Variants in PTGES observed in about 807,000 individuals in gnomAD.
The protein encoded by PTGES is MGST1-like 1.
Under a neutral mutation model 11.8 loss-of-function variants are expected in PTGES, and 3 were observed. The ratio of observed to expected loss-of-function variants is 0.25; its 90% CI spans 0.12 to 0.66. PTGES has a LOEUF of 0.66. Among genes scored for constraint, PTGES ranks in the 30% least tolerant of loss-of-function variants. The probability of loss-of-function intolerance (pLI) is 0.82; values close to 1 mark genes in which losing one functional copy is unlikely to be tolerated. For synonymous variants in PTGES, 94 were observed against 90.4 expected (o/e 1.04, Z -0.22); for missense variants, 180 against 213.0 (o/e 0.85, Z 0.96).
Position 129,752,899 on chromosome 9 carries a change from C to T in PTGES, c.114G>A (p.Arg38=), listed in dbSNP as rs1207573476. The T allele has an allele frequency of 1.2e-6, 2 of 1,614,010 alleles. No individual in the cohort carries two copies. The highest frequency in any genetic ancestry group is 1.7e-5 in the Admixed American group (1 of 60,030). Residue 38 remains arginine, a synonymous_variant, in exon 1 of 3, where the codon AGG becomes AGA. Transcript: ENST00000340607. ...GGGAGGCACATACCTTCTTCCGCAG[C>T]CTCACTTGGCCCGTGATGATGGCCA... is the stretch of plus-strand genomic sequence containing the variant. ...YVVAIITGQV[R]LRKKAFANPE...
intron 1 of PTGES, among the ~76,000 whole-genome samples, chr9:129,750,804 G>T (rs1833095965): frequency 6.6e-6 from 1 of 152,178 alleles, no homozygotes; most frequent in African/African-American, 2.4e-5. Flanking sequence ...ACTTTTCCAG[G>T]TCCCCAGGCT....
intron 2 of PTGES, among the ~76,000 whole-genome samples, chr9:129,747,107 C>T (rs11792427): frequency 0.23 from 34,757 of 152,126 alleles, 5,821 homozygotes; most frequent in African/African-American, 0.47. Flanking sequence ...GAGACAGGGT[C>T]TCGCCATGTT....
chr9:129,746,928 T>A (rs1833052898), intron 2 of PTGES, among the ~76,000 whole-genome samples: 1 of 152,250 alleles, frequency 6.6e-6, no homozygotes, highest in African/African-American at 2.4e-5. Context: ...TTTTGTTTTT[T>A]TTGAGATGGA....
intron 2 of PTGES, among the ~76,000 whole-genome samples, chr9:129,742,501 G>A (rs547402335): frequency 6.6e-6 from 1 of 152,210 alleles, no homozygotes; most frequent in South Asian, 2.1e-4. Context: ...GATTCACAAG[G>A]GAGTGCCACC....
Position 129,739,419 on chromosome 9 carries a change from CAT to C in PTGES, c.*190_*191del. On this transcript the variant is annotated 3_prime_UTR_variant, in exon 3 of 3. Transcript: ENST00000340607. This position sits in a 1 kb window ranked among gnomAD's most constrained non-coding sequence, Gnocchi z 5.7. Reference sequence around the variant, plus strand: ...TGCAGGAATCCAAGGGGCTAAGAAACATACACACACACATACACACACACGGG... The same window carrying C: ...TGCAGGAATCCAAGGGGCTAAGAAACACACACACACATACACACACACGGG... 1.4e-6 allele frequency: 1 copy of C among 722,926 alleles called. No homozygotes were observed. Among genetic ancestry groups the C allele is most frequent in the Non-Finnish European group, 2.2e-6 (1 of 461,196 alleles). 44.8% of individuals were successfully genotyped at this position (722,926 alleles called of 1,614,324 possible). A position where few individuals can be genotyped will look rare whatever the true frequency, so the allele number is the denominator to read the frequency against.
intron 1 of PTGES, among the ~76,000 whole-genome samples, chr9:129,750,049 C>A (rs1264139348): frequency 6.6e-6 from 1 of 152,156 alleles, no homozygotes. Context: ...CTGGAGAAGC[C>A]GCTAGGACAA....
intron 2 of PTGES, among the ~76,000 whole-genome samples, chr9:129,747,123 G>C (rs1254280597): frequency 7.5e-6 from 1 of 132,486 alleles, no homozygotes; most frequent in Non-Finnish European, 1.6e-5. Context: ...ATGTTGGCCA[G>C]GCCTGACCTC....
At chr9:129,741,329 G>A (rs1832992334) in intron 2 of PTGES, among the ~76,000 whole-genome samples, 1 of 152,208 alleles carries the variant, frequency 6.6e-6, no homozygotes, top group Admixed American at 6.5e-5. Flanking sequence ...AGATAAGAGA[G>A]GGAGAGGAAT....
chr9:129,741,603 C>T (rs1832995346), intron 2 of PTGES, among the ~76,000 whole-genome samples: 1 of 152,186 alleles, frequency 6.6e-6, no homozygotes, highest in South Asian at 2.1e-4. Flanking sequence ...TCCTGGGGTA[C>T]TGCCCTCAGG....
intron 2 of PTGES, among the ~76,000 whole-genome samples, chr9:129,746,405 C>T (rs1390948380): frequency 6.6e-6 from 1 of 152,142 alleles, no homozygotes; most frequent in East Asian, 1.9e-4. Context: ...AAAGTACAGC[C>T]AGTGCTTAGC....
rs199887997 is a variant in PTGES, at chr9:129,738,747, A to G, written c.*864T>C. ...CCTTGGCTCACCCAGCTTCCACCAT[A>G]CAGGAACCCAAGACCCCAGCCTTGC... On this transcript the variant is annotated 3_prime_UTR_variant, in exon 3 of 3. Coordinates refer to ENST00000340607, the MANE Select transcript of PTGES (RefSeq NM_004878.5). This position sits in a 1 kb window ranked among gnomAD's most constrained non-coding sequence, Gnocchi z 4.2. 6.6e-6 allele frequency: 1 copy of G among 152,374 alleles called. No homozygotes were observed. The highest frequency in any genetic ancestry group is 2.1e-4 in the South Asian group (1 of 4,826). The allele number at this position is 152,374 out of a possible 1,614,324, so 9.4% of individuals were successfully genotyped here.
intron 2 of PTGES, among the ~76,000 whole-genome samples, chr9:129,747,432 G>A (rs1221811975): frequency 6.6e-6 from 1 of 152,158 alleles, no homozygotes; most frequent in African/African-American, 2.4e-5. Context: ...TCTGTAATGA[G>A]TTCTGATTTT....
At chr9:129,751,872 C>T (rs1033129115) in intron 1 of PTGES, among the ~76,000 whole-genome samples, 2 of 152,190 alleles carry the variant, frequency 1.3e-5, no homozygotes, top group Admixed American at 6.5e-5. Flanking sequence ...GGGCCACATT[C>T]GGTCCTCTGG....
At chr9:129,741,931 G>A (rs559652038) in intron 2 of PTGES, among the ~76,000 whole-genome samples, 4 of 151,962 alleles carry the variant, frequency 2.6e-5, no homozygotes, top group Admixed American at 2.6e-4. Context: ...TAAAATAAAA[G>A]AGAGGGAGAA....
chr9:129,752,775 C>T (rs1240469258), intron 1 of PTGES, 112 bp downstream of exon 1: 9 of 1,546,548 alleles, frequency 5.8e-6, no homozygotes, highest in Non-Finnish European at 7.9e-6. Context: ...AGGTGCTCAC[C>T]TCCCAGCCCT....
intron 2 of PTGES, among the ~76,000 whole-genome samples, chr9:129,746,586 A>G (rs903034658): frequency 1.3e-5 from 2 of 152,060 alleles, no homozygotes; most frequent in Non-Finnish European, 2.9e-5. Flanking sequence ...AACATAAGAA[A>G]AAAACCCACA....
At chr9:129,740,927 C>T (rs1370491636) in intron 2 of PTGES, among the ~76,000 whole-genome samples, 1 of 152,218 alleles carries the variant, frequency 6.6e-6, no homozygotes, top group African/African-American at 2.4e-5. Context: ...ACATACATTC[C>T]ACCAATAACA....
rs1435565003 is a variant in PTGES at position 129,745,642 on chromosome 9, C to A, written c.209+3013G>T. Reference sequence around the variant, plus strand: ...AGTATACAGTCGGCTTCCAGTAAGTCCTCACCAAATGGCTATAAAGTATTA... The same window carrying A: ...AGTATACAGTCGGCTTCCAGTAAGTACTCACCAAATGGCTATAAAGTATTA... On this transcript the variant is annotated intron_variant, in intron 2 of 2. Coordinates refer to ENST00000340607, the MANE Select transcript of PTGES (RefSeq NM_004878.5). This position sits in a 1 kb window ranked among gnomAD's most constrained non-coding sequence, Gnocchi z 4.2. Among the ~76,000 whole-genome samples, 1 of 152,148 alleles carries A rather than the reference C, an allele frequency of 6.6e-6. No individual in the cohort carries two copies. Among genetic ancestry groups the A allele is most frequent in the Non-Finnish European group, 1.5e-5 (1 of 68,024 alleles).
rs1344156279 is a variant in PTGES at position 129,738,354 on chromosome 9, G to A, written c.*1257C>T. ...GACGAGGTGCTGGGCCCAGCTGGCA[G>A]ACACTTCCATTTAATGACTAAAAAT... On this transcript the variant is annotated 3_prime_UTR_variant, in exon 3 of 3. Transcript: ENST00000340607. The surrounding 1 kb of genome is among the most constrained non-coding windows in gnomAD (Gnocchi z 4.2). The A allele has an allele frequency of 1.3e-5, 2 of 151,552 alleles. No individual in the cohort carries two copies. Among genetic ancestry groups the A allele is most frequent in the African/African-American group, 4.9e-5 (2 of 41,052 alleles). The allele number at this position is 151,552 out of a possible 1,614,324, so 9.4% of individuals were successfully genotyped here.
Sources: gnomAD v4.1 joint callset for allele counts (sites outside exome capture counted in the v4.1 genomes callset) on GRCh38, gnomAD v4.1.1 for gene constraint, Gnocchi (gnomAD v3.1) non-coding constraint, MANE v1.5 for transcripts, NCBI Gene and HGNC (gene_info 2026-07-23, HGNC 2026-07-21) for gene names.